CCDC7: variants seen among roughly 807,000 people sequenced by gnomAD.
The protein encoded by CCDC7 is coiled-coil domain-containing protein 7.
A neutral mutation model predicts 196.9 loss-of-function variants in CCDC7; 183 were observed. That is an observed-to-expected ratio of 0.93 (90% CI 0.82 to 1.05). CCDC7 has a LOEUF of 1.05. Ranked by LOEUF, CCDC7 falls within the 50% of genes least tolerant of loss-of-function variation. The probability of loss-of-function intolerance (pLI) is 0.00; values close to 1 mark genes in which losing one functional copy is unlikely to be tolerated. For missense variants in CCDC7, 1,540 were observed against 1,482.2 expected (o/e 1.04, Z -0.64); for synonymous variants, 525 against 484.6 (o/e 1.08, Z -1.10).
intron 25 of CCDC7, among the ~76,000 whole-genome samples, chr10:32,717,344 A>G (rs756303514): frequency 2.0e-5 from 3 of 152,188 alleles, no homozygotes; most frequent in Admixed American, 2.0e-4. Context: ...GAGAACAAAG[A>G]CACAATGTAC....
chr10:32,448,775 A>G (rs575936726), upstream of CCDC7, among the ~76,000 whole-genome samples: 1 of 152,226 alleles, frequency 6.6e-6, no homozygotes, highest in South Asian at 2.1e-4. Context: ...ATTAACAAAT[A>G]TATAGGCCTT....
Position 32,456,812 on chromosome 10 carries a change from CT to C in CCDC7, c.456+486del, listed in dbSNP as rs542848651. Among the ~76,000 whole-genome samples the C allele has an allele frequency of 7.9e-3, 1,200 of 151,684 alleles. 6 individuals carry two copies. The highest frequency in any genetic ancestry group is 0.021 in the Middle Eastern group (6 of 292). The stretch of plus-strand genomic sequence containing the variant: ...ACTACAGTGGAATTGTTGCAATTGT[CT>C]TTTTTTTCATATAATAGAATACACT... On this transcript the variant is annotated intron_variant, in intron 3 of 41. Transcript: ENST00000639629.
chr10:32,687,944 T>G (rs892095492), intron 22 of CCDC7, among the ~76,000 whole-genome samples: 1 of 152,210 alleles, frequency 6.6e-6, no homozygotes, highest in African/African-American at 2.4e-5. Flanking sequence ...AGCTCTTCTT[T>G]GAGACTTCAT....
intron 28 of CCDC7, among the ~76,000 whole-genome samples, chr10:32,776,308 C>A (rs1485518697): frequency 1.3e-5 from 2 of 151,880 alleles, no homozygotes; most frequent in African/African-American, 2.4e-5. Context: ...TTTCTAGCTT[C>A]TTTGGGGAAT....
chr10:32,463,897 T>C (rs909832317), intron 5 of CCDC7, among the ~76,000 whole-genome samples: 9 of 152,216 alleles, frequency 5.9e-5, no homozygotes, highest in African/African-American at 2.2e-4. Flanking sequence ...CATTCTTTGA[T>C]TATGGCATAG....
chr10:32,654,736 G>T (rs569686263), intron 20 of CCDC7, among the ~76,000 whole-genome samples: 2 of 152,228 alleles, frequency 1.3e-5, no homozygotes, highest in South Asian at 4.1e-4. Context: ...TTTCCTGTTT[G>T]CTCAGAACCT....
At chr10:32,573,530 T>C (rs1449448061) in intron 16 of CCDC7, among the ~76,000 whole-genome samples, 2 of 152,198 alleles carry the variant, frequency 1.3e-5, no homozygotes, top group Non-Finnish European at 2.9e-5. Context: ...TATGATAATG[T>C]TACCTAGTGA....
intron 3 of CCDC7, among the ~76,000 whole-genome samples, chr10:32,460,007 G>T (rs774419823): frequency 3.9e-5 from 6 of 151,946 alleles, no homozygotes; most frequent in Non-Finnish European, 7.4e-5. Flanking sequence ...TATTTATAAA[G>T]GAAAAAACTA....
intron 41 of CCDC7, among the ~76,000 whole-genome samples, chr10:32,858,252 CA>C (rs1423761103): frequency 6.6e-6 from 1 of 152,054 alleles, no homozygotes; most frequent in African/African-American, 2.4e-5. Flanking sequence ...TAAACTCTTC[CA>C]AAAAAATCGC....
At chr10:32,854,579 T>G (rs553383288) in intron 41 of CCDC7, 90 bp downstream of exon 42, 2 of 837,814 alleles carry the variant, frequency 2.4e-6, no homozygotes, top group Non-Finnish European at 3.7e-6. Flanking sequence ...ACCTCTGGGC[T>G]TCCTTCTTCA....
At chr10:32,616,173 G>A (rs992703658) in intron 18 of CCDC7, among the ~76,000 whole-genome samples, 5 of 151,830 alleles carry the variant, frequency 3.3e-5, no homozygotes, top group Non-Finnish European at 5.9e-5. Flanking sequence ...TGAATTTTAG[G>A]ATTATTTTAT....
chr10:32,838,103 T>C (rs1395955463), intron 33 of CCDC7, among the ~76,000 whole-genome samples: 2 of 151,868 alleles, frequency 1.3e-5, no homozygotes, highest in Non-Finnish European at 2.9e-5. Context: ...ATAATAAAAA[T>C]AAATAGGTTC....
chr10:32,583,882 T>G (rs1304595955), intron 17 of CCDC7, among the ~76,000 whole-genome samples: 1 of 152,018 alleles, frequency 6.6e-6, no homozygotes, highest in Non-Finnish European at 1.5e-5. Context: ...TGTAAGCCAT[T>G]TGAGTTCTTC....
At chr10:32,725,771 A>G (rs2083030418) in intron 25 of CCDC7, among the ~76,000 whole-genome samples, 1 of 152,078 alleles carries the variant, frequency 6.6e-6, no homozygotes, top group African/African-American at 2.4e-5. Context: ...ATTTTATGTG[A>G]ACTCATTACC....
At chr10:32,805,184 C>T (rs2085575856) in intron 30 of CCDC7, 86 bp downstream of exon 31, 1 of 930,068 alleles carries the variant, frequency 1.1e-6, no homozygotes, top group Non-Finnish European at 1.7e-6. Flanking sequence ...CAATGGTGCC[C>T]ATTTGTTATT....
intron 21 of CCDC7, among the ~76,000 whole-genome samples, chr10:32,677,705 AT>A (rs2075243195): frequency 6.6e-6 from 1 of 152,024 alleles, no homozygotes; most frequent in Admixed American, 6.6e-5. Context: ...GATTCAACCT[AT>A]TTAGGATCCT....
intron 28 of CCDC7, among the ~76,000 whole-genome samples, chr10:32,734,448 G>A (rs564738316): frequency 6.6e-6 from 1 of 152,206 alleles, no homozygotes; most frequent in Admixed American, 6.5e-5. Flanking sequence ...GAGGGTGGAG[G>A]GTGAGAGAAG....
At chr10:32,572,281 G>C (rs1443206351) in intron 16 of CCDC7, among the ~76,000 whole-genome samples, 1 of 152,046 alleles carries the variant, frequency 6.6e-6, no homozygotes, top group East Asian at 1.9e-4. Flanking sequence ...GTTACTATAT[G>C]CACACATATG....
At chr10:32,751,868 GT>G (rs2075714724) in intron 28 of CCDC7, among the ~76,000 whole-genome samples, 1 of 152,104 alleles carries the variant, frequency 6.6e-6, no homozygotes, top group African/African-American at 2.4e-5. Context: ...TATTCTTCAA[GT>G]TTATGAACCA....
Sources: allele counts gnomAD v4.1 joint callset (sites outside exome capture counted in the v4.1 genomes callset), GRCh38; gene constraint gnomAD v4.1.1; transcripts MANE v1.5; gene names NCBI Gene and HGNC (gene_info 2026-07-23, HGNC 2026-07-21).